The following VCL variants were observed in gnomAD, a reference collection of about 807,000 sequenced individuals.
VCL encodes the protein epididymis luminal protein 114.
A neutral mutation model predicts 125.7 loss-of-function variants in VCL; 47 were observed. The observed-to-expected ratio is 0.37, with a 90% CI of 0.30 to 0.48. The LOEUF (loss-of-function observed/expected upper bound fraction) is 0.48. Ranked by LOEUF, VCL falls within the 20% of genes least tolerant of loss-of-function variation. The pLI is 0.99. For synonymous variants in VCL, 458 were observed against 514.6 expected (o/e 0.89, Z 1.49); for missense variants, 1,069 against 1,455.5 (o/e 0.73, Z 4.32).
chr10:74,043,001 A>G (rs1841123565), intron 1 of VCL, 82 bp from the exon 2 acceptor site: 3 of 1,312,248 alleles, frequency 2.3e-6, no homozygotes, highest in Non-Finnish European at 3.3e-6. Flanking sequence ...ATGTTTAAGT[A>G]TATGTTTCAA....
At chr10:74,077,291 G>T (rs1487146146) in intron 6 of VCL, 2 of 152,632 alleles carry the variant, frequency 1.3e-5, no homozygotes, top group Non-Finnish European at 2.9e-5. Context: ...AAAAAAAGAG[G>T]TTTATTTTTA....
In VCL at chr10:73,998,353, C is replaced by A; in HGVS notation, c.146C>A (p.Ala49Glu). 6.5e-7 allele frequency: 1 copy of A among 1,545,618 alleles called. No homozygotes were observed. Among genetic ancestry groups the A allele is most frequent in the Non-Finnish European group, 8.7e-7 (1 of 1,143,904 alleles). The change falls in exon 1 of 22, where the codon GCG (alanine) becomes GAG (glutamate). Residue 49 changes from alanine (A) to glutamate (E), a missense_variant. Physicochemically the swap from Ala to Glu is moderately radical, Grantham distance 107. Coordinates refer to ENST00000211998, the MANE Select transcript of VCL (RefSeq NM_014000.3). ...DLTAPVAAVQAAVSNLVRVGK... is the reference protein window; with the variant it reads ...DLTAPVAAVQEAVSNLVRVGK... Reference sequence around the variant, plus strand: ...ACCGCGCCCGTGGCCGCCGTGCAGGCGGCCGTCAGCAACCTCGTCCGGGTG... The same window carrying A: ...ACCGCGCCCGTGGCCGCCGTGCAGGAGGCCGTCAGCAACCTCGTCCGGGTG...
At chr10:74,039,892 G>C (rs1841061538) in intron 1 of VCL, among the ~76,000 whole-genome samples, 1 of 152,222 alleles carries the variant, frequency 6.6e-6, no homozygotes, top group Non-Finnish European at 1.5e-5. Flanking sequence ...GGCTCTTTAT[G>C]ATCTGGCCCT....
rs763202783 is a variant in VCL, at chr10:74,118,194, C to G, written c.*25C>G. 2.4e-5 allele frequency: 39 copies of G among 1,613,880 alleles called. No homozygotes were observed. Among genetic ancestry groups the G allele is most frequent in the Non-Finnish European group, 3.3e-5 (39 of 1,179,920 alleles). ...GGCACCTGGCTGAGCCTGGCTGGCA[C>G]AGAAACCTCTACTAAAAAGAAGGAA... On this transcript the variant is annotated 3_prime_UTR_variant, in exon 22 of 22. Coordinates refer to ENST00000211998, the MANE Select transcript of VCL (RefSeq NM_014000.3).
chr10:74,115,416 A>ATAAATAAG (rs1217510369), intron 21 of VCL, among the ~76,000 whole-genome samples: 2 of 151,282 alleles, frequency 1.3e-5, no homozygotes, highest in African/African-American at 4.9e-5. Context: ...AAATAAATAA[A>ATAAATAAG]TAAGTAAATA....
At chr10:74,038,195 C>T (rs1182770105) in intron 1 of VCL, among the ~76,000 whole-genome samples, 1 of 152,038 alleles carries the variant, frequency 6.6e-6, no homozygotes, top group Non-Finnish European at 1.5e-5. Context: ...CGGGGTTTCG[C>T]CATGTTGGCC....
intron 2 of VCL, among the ~76,000 whole-genome samples, chr10:74,049,990 C>G (rs1841270125): frequency 1.3e-5 from 2 of 152,146 alleles, no homozygotes; most frequent in African/African-American, 4.8e-5. Context: ...GAATTTCATT[C>G]TTATTTCTGC....
At chr10:74,090,691 G>A (rs999549783) in intron 10 of VCL, among the ~76,000 whole-genome samples, 4 of 152,114 alleles carry the variant, frequency 2.6e-5, no homozygotes, top group Non-Finnish European at 5.9e-5. Context: ...ACATTTCCTG[G>A]ATGATTTTTC....
At chr10:74,057,295 A>G (rs1249994371) in intron 2 of VCL, among the ~76,000 whole-genome samples, 1 of 152,112 alleles carries the variant, frequency 6.6e-6, no homozygotes, top group Admixed American at 6.5e-5. Flanking sequence ...ATTCCAGTGA[A>G]TTGATAGAGG....
intron 4 of VCL, 122 bp from the exon 5 acceptor site, chr10:74,072,608 G>A: frequency 6.3e-6 from 9 of 1,425,822 alleles, no homozygotes; most frequent in Non-Finnish European, 8.8e-6. Flanking sequence ...GGTGTCTGTT[G>A]TTTAAATAAG....
intron 1 of VCL, 87 bp from the exon 2 acceptor site, chr10:74,042,996 T>G: frequency 7.7e-7 from 1 of 1,294,628 alleles, no homozygotes; most frequent in Non-Finnish European, 1.1e-6. Flanking sequence ...AGATTATGTT[T>G]AAGTATATGT....
chr10:74,073,683 T>G (rs1448151693), intron 5 of VCL, among the ~76,000 whole-genome samples: 1 of 152,194 alleles, frequency 6.6e-6, no homozygotes, highest in Non-Finnish European at 1.5e-5. Context: ...TACCTTCCCA[T>G]TGAGTAGTGC....
intron 2 of VCL, among the ~76,000 whole-genome samples, chr10:74,052,365 C>A (rs1030537576): frequency 7.0e-6 from 1 of 143,066 alleles, no homozygotes; most frequent in African/African-American, 2.6e-5. Flanking sequence ...TGATTCAATT[C>A]TTCAGTTAGT....
At chr10:74,015,531 A>C (rs1840521509) in intron 1 of VCL, among the ~76,000 whole-genome samples, 1 of 150,892 alleles carries the variant, frequency 6.6e-6, no homozygotes, top group Non-Finnish European at 1.5e-5. Context: ...ACAGAGGGAA[A>C]CTCTGTCTCC....
At chr10:74,006,077 C>G (rs757628079) in intron 1 of VCL, among the ~76,000 whole-genome samples, 58 of 151,804 alleles carry the variant, frequency 3.8e-4, no homozygotes, top group South Asian at 8.3e-4. Context: ...GTAGAGACAG[C>G]GTTTCACCTT....
chr10:74,089,809 A>G (rs753574150), intron 9 of VCL, among the ~76,000 whole-genome samples: 13 of 152,238 alleles, frequency 8.5e-5, no homozygotes, highest in Non-Finnish European at 1.9e-4. Context: ...GCTTGGGAAA[A>G]TATTTTATGC....
At position 74,057,819 on chromosome 10, in the gene VCL, G is replaced by T. The variant is rs372913242; in HGVS notation, c.240-12851G>T. On this transcript the variant is annotated intron_variant, in intron 2 of 21. Transcript: ENST00000211998. ...ATGGTGGCATGCACCTGTAGTCCCA[G>T]TTACTCGGGAGGCTAAGGTAGGAGG... 2.2e-3 allele frequency among the ~76,000 whole-genome samples: 334 copies of T among 152,276 alleles called. 1 individual carries two copies. The highest frequency in any genetic ancestry group is 7.7e-3 in the African/African-American group (322 of 41,552).
intron 1 of VCL, among the ~76,000 whole-genome samples, chr10:73,999,869 A>G (rs1840194790): frequency 6.6e-6 from 1 of 152,198 alleles, no homozygotes; most frequent in Non-Finnish European, 1.5e-5. Context: ...AACTAATTTG[A>G]ACAGAACACT....
At chr10:74,067,144 A>G (rs1364879060) in intron 2 of VCL, among the ~76,000 whole-genome samples, 1 of 152,198 alleles carries the variant, frequency 6.6e-6, no homozygotes, top group Non-Finnish European at 1.5e-5. Flanking sequence ...ACATTTGCAA[A>G]TTGTATTTCT....
Sources: allele counts gnomAD v4.1 joint callset (sites outside exome capture counted in the v4.1 genomes callset), GRCh38; gene constraint gnomAD v4.1.1; transcripts MANE v1.5; gene names NCBI Gene and HGNC (gene_info 2026-07-23, HGNC 2026-07-21).